The following MGARP variants were observed in gnomAD, a reference collection of about 807,000 sequenced individuals.
MGARP encodes the protein mitochondria localized glutamic acid rich protein, also known as protein MGARP.
In MGARP, 12 loss-of-function variants were observed where a neutral mutation model predicts 11.0. That is an observed-to-expected ratio of 1.09 (90% CI 0.70 to 1.77). The LOEUF is 1.77. Among genes scored for constraint, MGARP ranks in the 40% most tolerant of loss-of-function variants. The pLI is 0.00. For synonymous variants in MGARP, 110 were observed against 115.4 expected, an observed-to-expected ratio of 0.95 and a Z score of 0.30; for missense variants, 283 against 297.8, an observed-to-expected ratio of 0.95 and a Z score of 0.36.
intron 2 of MGARP, among the ~76,000 whole-genome samples, chr4:139,270,548 G>T (rs1270125276): frequency 7.4e-5 from 11 of 149,070 alleles, no homozygotes; most frequent in African/African-American, 2.2e-4. Flanking sequence ...GGTGGAGCTT[G>T]CAGTGAGCAG....
chr4:139,266,454 T>G lies in MGARP; in HGVS notation c.*145A>C, dbSNP rs1053288334. The G allele has an allele frequency of 1.4e-6, 1 of 701,970 alleles. No homozygotes were observed. Among genetic ancestry groups the G allele is most frequent in the African/African-American group, 1.8e-5 (1 of 55,636 alleles). 43.5% of individuals were successfully genotyped at this position (701,970 alleles called of 1,614,324 possible). A position where few individuals can be genotyped will look rare whatever the true frequency, so the allele number is the denominator to read the frequency against. Reference sequence around the variant, plus strand: ...TCAAGTCTCTCAGTCCTAAAATCTATCAGTGGATGCCAAAAATCTTCAAGA... The same window carrying G: ...TCAAGTCTCTCAGTCCTAAAATCTAGCAGTGGATGCCAAAAATCTTCAAGA... On this transcript the variant is annotated 3_prime_UTR_variant, in exon 4 of 4. Transcript: ENST00000398955.
In MGARP at chr4:139,266,486, A is replaced by T; in HGVS notation, c.*113T>A. 1 of 1,050,666 alleles carries T rather than the reference A, an allele frequency of 9.5e-7. No homozygotes were observed. The highest frequency in any genetic ancestry group is 1.3e-6 in the Non-Finnish European group (1 of 747,428). 65.1% of individuals were successfully genotyped at this position (1,050,666 alleles called of 1,614,324 possible). A position where few individuals can be genotyped will look rare whatever the true frequency, so the allele number is the denominator to read the frequency against. Reference sequence around the variant, plus strand: ...ATGCCAAAAATCTTCAAGACCCATTAACGTTTTCTAGAAAATAAGTCTTTT... The same window carrying T: ...ATGCCAAAAATCTTCAAGACCCATTTACGTTTTCTAGAAAATAAGTCTTTT... On this transcript the variant is annotated 3_prime_UTR_variant, in exon 4 of 4. Transcript: ENST00000398955.
intron 3 of MGARP, among the ~76,000 whole-genome samples, chr4:139,268,444 A>G (rs1054171562): frequency 5.9e-5 from 9 of 152,244 alleles, no homozygotes; most frequent in African/African-American, 2.2e-4. Context: ...CTGGTCAGCA[A>G]TATAAATGTA....
At position 139,275,216 on chromosome 4, in the gene MGARP, A is replaced by G. The variant is rs573293158; in HGVS notation, c.186+73T>C. On this transcript the variant is annotated intron_variant, in intron 2 of 3. Transcript: ENST00000398955. ...TAATTAATCTCATGTCCTGATCTTG[A>G]CGTTGCTTTGAGCTTTACCATGAGT... is the stretch of plus-strand genomic sequence containing the variant. 23 of 1,175,520 alleles carry G rather than the reference A, an allele frequency of 2.0e-5. No homozygotes were observed. The South Asian group carries it at 2.9e-4, about 15-fold the overall frequency. 72.8% of individuals were successfully genotyped at this position (1,175,520 alleles called of 1,614,324 possible).
Position 139,266,886 on chromosome 4 carries a change from C to T in MGARP, c.436G>A (p.Ala146Thr). Residue 146 changes from alanine to threonine, a missense_variant, in exon 4 of 4, where the codon GCT becomes ACT. Physicochemically the swap from Ala to Thr is moderately conservative, Grantham distance 58. Transcript: ENST00000398955. Reference protein sequence around the residue: ...ASACPGHVEAAPETTAVSAET... With the variant: ...ASACPGHVEATPETTAVSAET... ...GCACTGACTGCTGTGGTCTCCGGAGCAGCCTCCACGTGACCTGGACAGGCA... is the reference window on the plus strand; with the variant it reads ...GCACTGACTGCTGTGGTCTCCGGAGTAGCCTCCACGTGACCTGGACAGGCA... 6.2e-7 allele frequency: 1 copy of T among 1,614,230 alleles called. No individual in the cohort carries two copies. The highest frequency in any genetic ancestry group is 8.5e-7 in the Non-Finnish European group (1 of 1,180,044).
At chr4:139,275,436 C>A in intron 1 of MGARP, 44 bp from the exon 2 acceptor site, 1 of 1,464,200 alleles carries the variant, frequency 6.8e-7, no homozygotes, top group Non-Finnish European at 9.5e-7. Flanking sequence ...ACTAGTTGAG[C>A]AAAACTATTT....
At chr4:139,270,656 A>T (rs1485094049) in intron 2 of MGARP, among the ~76,000 whole-genome samples, 1 of 151,694 alleles carries the variant, frequency 6.6e-6, no homozygotes, top group African/African-American at 2.4e-5. Flanking sequence ...GTCGGGTAGA[A>T]GTGATGTAAA....
intron 2 of MGARP, among the ~76,000 whole-genome samples, chr4:139,272,561 CAAAAA>C (rs35412789): frequency 9.1e-5 from 10 of 109,316 alleles, no homozygotes; most frequent in African/African-American, 2.5e-4. Context: ...TGTCCCCTCC[CAAAAA>C]AAAAAAAAAA....
intron 3 of MGARP, among the ~76,000 whole-genome samples, chr4:139,268,439 C>G (rs550755211): frequency 1.3e-5 from 2 of 152,302 alleles, no homozygotes; most frequent in African/African-American, 4.8e-5. Flanking sequence ...AGTCACTGGT[C>G]AGCAATATAA....
At chr4:139,269,648 G>GA in intron 2 of MGARP, among the ~76,000 whole-genome samples, 1 of 136,530 alleles carries the variant, frequency 7.3e-6, no homozygotes, top group South Asian at 2.3e-4. Flanking sequence ...AAAAAAAAAA[G>GA]AAAAAAGAAA....
intron 3 of MGARP, among the ~76,000 whole-genome samples, chr4:139,267,356 T>C (rs1744713515): frequency 6.6e-6 from 1 of 152,010 alleles, no homozygotes; most frequent in Non-Finnish European, 1.5e-5. Flanking sequence ...GGGATCTGCT[T>C]TTCTGTAAAC....
At chr4:139,278,347 A>G (rs1235759340) in intron 1 of MGARP, among the ~76,000 whole-genome samples, 2 of 152,264 alleles carry the variant, frequency 1.3e-5, no homozygotes, top group Admixed American at 6.5e-5. Flanking sequence ...AGTAGAAAGT[A>G]TGAACAAAAG....
intron 3 of MGARP, 31 bp from the exon 4 acceptor site, chr4:139,267,072 A>G: frequency 6.3e-7 from 1 of 1,595,438 alleles, no homozygotes; most frequent in South Asian, 1.1e-5. Context: ...GCAAGGTATT[A>G]ATTTAAAGAT....
At chr4:139,271,849 C>T (rs1488812819) in intron 2 of MGARP, among the ~76,000 whole-genome samples, 1 of 152,140 alleles carries the variant, frequency 6.6e-6, no homozygotes, top group African/African-American at 2.4e-5. Flanking sequence ...TGTGAGAGAA[C>T]AAGGCCAGAA....
At chr4:139,276,775 T>C (rs2110734137) in intron 1 of MGARP, among the ~76,000 whole-genome samples, 1 of 152,224 alleles carries the variant, frequency 6.6e-6, no homozygotes, top group East Asian at 1.9e-4. Context: ...ACTTGAGTCC[T>C]GCAGTGAGCT....
At chr4:139,275,430 G>T in intron 1 of MGARP, 38 bp from the exon 2 acceptor site, 1 of 1,506,586 alleles carries the variant, frequency 6.6e-7, no homozygotes, top group Non-Finnish European at 9.2e-7. Context: ...AGCTTCACTA[G>T]TTGAGCAAAA....
At chr4:139,269,630 C>CAAAAA (rs56142345) in intron 2 of MGARP, among the ~76,000 whole-genome samples, 1 of 81,850 alleles carries the variant, frequency 1.2e-5, no homozygotes, top group African/African-American at 4.0e-5. Context: ...GACTCCATCT[C>CAAAAA]AAAAAAAAAA....
chr4:139,275,252 A>G, intron 2 of MGARP, 37 bp downstream of exon 2: 1 of 1,546,754 alleles, frequency 6.5e-7, no homozygotes, highest in African/African-American at 1.4e-5. Flanking sequence ...TGTAAAATAC[A>G]TGAATTCTTG....
At chr4:139,272,420 G>A (rs1036262393) in intron 2 of MGARP, among the ~76,000 whole-genome samples, 3 of 151,540 alleles carry the variant, frequency 2.0e-5, no homozygotes, top group Non-Finnish European at 4.4e-5. Flanking sequence ...TTAGCTGGGC[G>A]TGGTAGTGGG....
Sources: gnomAD v4.1 joint callset for allele counts (sites outside exome capture counted in the v4.1 genomes callset) on GRCh38, gnomAD v4.1.1 for gene constraint, MANE v1.5 for transcripts, NCBI Gene and HGNC (gene_info 2026-07-23, HGNC 2026-07-21) for gene names.